The following STPG2 variants were observed in gnomAD, a reference collection of about 807,000 sequenced individuals.
STPG2 encodes the protein sperm-tail PG-rich repeat-containing protein 2.
STPG2 carries 56 observed loss-of-function variants against 54.2 expected under a neutral mutation model. The ratio of observed to expected loss-of-function variants is 1.03; its 90% confidence interval spans 0.83 to 1.29. The LOEUF (loss-of-function observed/expected upper bound fraction) is 1.29. Among genes scored for constraint, STPG2 ranks in the 50% most tolerant of loss-of-function variants. The probability of loss-of-function intolerance (pLI) is 0.00; values close to 1 mark genes in which losing one functional copy is unlikely to be tolerated. For missense variants in STPG2, 596 were observed against 544.9 expected, an observed-to-expected ratio of 1.09 and a Z score of -0.93; for synonymous variants, 200 against 181.8, an observed-to-expected ratio of 1.10 and a Z score of -0.81.
At chr4:97,618,565 G>T (rs943209242) in intron 10 of STPG2, among the ~76,000 whole-genome samples, 5 of 152,132 alleles carry the variant, frequency 3.3e-5, no homozygotes, top group African/African-American at 1.2e-4. Flanking sequence ...TTGAATAAAT[G>T]AGTACTTTTA....
intron 9 of STPG2, among the ~76,000 whole-genome samples, chr4:97,776,917 C>T (rs1726395581): frequency 6.6e-6 from 1 of 152,150 alleles, no homozygotes; most frequent in Non-Finnish European, 1.5e-5. Flanking sequence ...CAAAAATCTA[C>T]AATTTTTTGC....
At chr4:97,554,380 T>A (rs1367636167), downstream of STPG2, among the ~76,000 whole-genome samples, 2 of 152,184 alleles carry the variant, frequency 1.3e-5, no homozygotes, top group African/African-American at 4.8e-5. Context: ...AATTCTTCCC[T>A]TCTCTGAGAG....
intron 8 of STPG2, among the ~76,000 whole-genome samples, chr4:97,871,032 C>T (rs1006094688): frequency 1.3e-5 from 2 of 150,724 alleles, no homozygotes; most frequent in African/African-American, 2.4e-5. Context: ...AAGACCTTTC[C>T]ATCCAAAATT....
At chr4:97,741,745 A>C (rs1029897345) in intron 9 of STPG2, among the ~76,000 whole-genome samples, 2 of 151,430 alleles carry the variant, frequency 1.3e-5, no homozygotes, top group African/African-American at 4.8e-5. Context: ...GAGAAATAGG[A>C]ACACTTTTAC....
intron 10 of STPG2, among the ~76,000 whole-genome samples, chr4:97,633,280 TAATTA>T (rs1310248836): frequency 6.6e-6 from 1 of 152,152 alleles, no homozygotes; most frequent in African/African-American, 2.4e-5. Flanking sequence ...TTTATTGACT[TAATTA>T]AATATACAAA....
intron 4 of STPG2, among the ~76,000 whole-genome samples, chr4:97,471,397 T>C (rs574257837): frequency 6.6e-6 from 1 of 152,280 alleles, no homozygotes; most frequent in Admixed American, 6.5e-5. Context: ...CAATCTCTAG[T>C]TGAAACAATA....
intron 10 of STPG2, among the ~76,000 whole-genome samples, chr4:97,613,490 G>C (rs1035103478): frequency 8.4e-6 from 1 of 118,752 alleles, no homozygotes; most frequent in African/African-American, 7.8e-5. Flanking sequence ...GTGTGTGTGT[G>C]TGTGTGTGTG....
At chr4:97,907,604 C>T (rs570649585) in intron 8 of STPG2, among the ~76,000 whole-genome samples, 1 of 152,228 alleles carries the variant, frequency 6.6e-6, no homozygotes. Flanking sequence ...ATCATGCTAC[C>T]TGACTTCAAA....
Position 98,143,256 on chromosome 4 carries a change from G to T in STPG2, c.-106C>A. ...AAGGAAGCCGACACCAGTCTGAGGA[G>T]GCCGGGAAAGAACTTCCGTAAACAG... On this transcript the variant is annotated 5_prime_UTR_variant, in exon 1 of 11. Coordinates refer to ENST00000295268, the MANE Select transcript of STPG2 (RefSeq NM_174952.3). 1.2e-6 allele frequency: 1 copy of T among 801,520 alleles called. No individual in the cohort carries two copies. Among genetic ancestry groups the T allele is most frequent in the Non-Finnish European group, 2.0e-6 (1 of 507,356 alleles). 49.7% of individuals were successfully genotyped at this position (801,520 alleles called of 1,614,324 possible). A position where few individuals can be genotyped will look rare whatever the true frequency, so the allele number is the denominator to read the frequency against.
At chr4:97,497,653 T>A (rs1009171550) in intron 4 of STPG2, among the ~76,000 whole-genome samples, 4 of 151,898 alleles carry the variant, frequency 2.6e-5, no homozygotes, top group Admixed American at 1.3e-4. Flanking sequence ...TTAAAAATTG[T>A]TATGTTGAGT....
At chr4:98,040,631 T>C (rs546775316) in intron 5 of STPG2, among the ~76,000 whole-genome samples, 7 of 152,078 alleles carry the variant, frequency 4.6e-5, no homozygotes, top group East Asian at 3.9e-4. Flanking sequence ...GCTGTAGGTA[T>C]GTGGGTTTAT....
At chr4:97,800,242 G>C (rs1412601935) in intron 9 of STPG2, among the ~76,000 whole-genome samples, 1 of 152,186 alleles carries the variant, frequency 6.6e-6, no homozygotes, top group Non-Finnish European at 1.5e-5. Flanking sequence ...CGTTCCTTTG[G>C]AGGAGGAGAG....
rs377124748 is a variant in STPG2, at chr4:98,009,447, C to T, written c.613-28129G>A. Among the ~76,000 whole-genome samples the T allele has an allele frequency of 2.6e-5, 4 of 152,052 alleles. No homozygotes were observed. In the South Asian group the frequency reaches 6.2e-4, roughly 24 times the overall value. On this transcript the variant is annotated intron_variant, in intron 5 of 10. Coordinates refer to ENST00000295268, the MANE Select transcript of STPG2 (RefSeq NM_174952.3). ...CATATCATTATGATTCAAAAAGATA[C>T]TTAATATAGTTTCACTCTTTAATTT...
At chr4:97,484,067 G>A (rs1001730919) in intron 4 of STPG2, among the ~76,000 whole-genome samples, 3 of 151,586 alleles carry the variant, frequency 2.0e-5, no homozygotes, top group Non-Finnish European at 4.4e-5. Flanking sequence ...CTGGGATACA[G>A]CAAAGGTGGT....
intron 10 of STPG2, among the ~76,000 whole-genome samples, chr4:97,656,262 C>T (rs534391768): frequency 6.6e-6 from 1 of 152,064 alleles, no homozygotes; most frequent in Non-Finnish European, 1.5e-5. Context: ...TGACTAACAC[C>T]ATTTGCCCAA....
At chr4:97,682,997 A>C (rs570106096) in intron 10 of STPG2, among the ~76,000 whole-genome samples, 1 of 151,902 alleles carries the variant, frequency 6.6e-6, no homozygotes, top group African/African-American at 2.4e-5. Context: ...GTCATGTAGA[A>C]ATGTATTGGG....
rs1221159914 is a variant in STPG2, at chr4:97,672,030, T to G, written c.1320+40669A>C. On this transcript the variant is annotated intron_variant, in intron 10 of 10. Transcript: ENST00000295268. ...GTTGCTGCTGCTTCTCCTGCTATAC[T>G]ACATGCCAGACACTATAAGGTATTT... is the stretch of plus-strand genomic sequence containing the variant. Among the ~76,000 whole-genome samples, 3 of 152,204 alleles carry G rather than the reference T, an allele frequency of 2.0e-5. No individual in the cohort carries two copies. The East Asian group carries it at 5.8e-4, about 29-fold the overall frequency.
At chr4:97,868,611 G>T (rs1028712232) in intron 8 of STPG2, among the ~76,000 whole-genome samples, 1 of 151,726 alleles carries the variant, frequency 6.6e-6, no homozygotes, top group South Asian at 2.1e-4. Context: ...AGTAAATTTT[G>T]CCGGTCTGCT....
rs58124036 is a variant in STPG2 at position 97,907,123 on chromosome 4, A to C, written c.1044+36774T>G. Among the ~76,000 whole-genome samples the C allele has an allele frequency of 4.6e-5, 7 of 151,888 alleles. No individual in the cohort carries two copies. The East Asian group carries it at 1.2e-3, about 26-fold the overall frequency. ...GATTGTATATCTAGGGAACCCCATT[A>C]TCTCAGCCCAAAATCTCCTTAAGCT... On this transcript the variant is annotated intron_variant, in intron 8 of 10. Transcript: ENST00000295268.
Sources: gnomAD v4.1 joint callset for allele counts (sites outside exome capture counted in the v4.1 genomes callset) on GRCh38, gnomAD v4.1.1 for gene constraint, MANE v1.5 for transcripts, NCBI Gene and HGNC (gene_info 2026-07-23, HGNC 2026-07-21) for gene names.